IL21R: variants seen among roughly 807,000 people sequenced by gnomAD.
IL21R encodes interleukin 21 receptor.
In IL21R, 14 loss-of-function variants were observed where a neutral mutation model predicts 41.3. The ratio of observed to expected loss-of-function variants is 0.34; its 90% confidence interval spans 0.22 to 0.53. The LOEUF is 0.53. Among genes scored for constraint, IL21R ranks in the 20% least tolerant of loss-of-function variants. The pLI, the probability that IL21R is intolerant of heterozygous loss-of-function variation, is 0.94. For missense variants in IL21R, 588 were observed against 681.6 expected, an observed-to-expected ratio of 0.86 and a Z score of 1.53; for synonymous variants, 286 against 287.6, an observed-to-expected ratio of 0.99 and a Z score of 0.05.
At chr16:27,428,412 G>C (rs1250299597) in intron 1 of IL21R, among the ~76,000 whole-genome samples, 1 of 152,244 alleles carries the variant, frequency 6.6e-6, no homozygotes, top group Non-Finnish European at 1.5e-5. Flanking sequence ...AGAGGAGGAG[G>C]ATCTTCCCCT....
intron 2 of IL21R, among the ~76,000 whole-genome samples, chr16:27,432,244 C>T (rs2087187049): frequency 6.6e-6 from 1 of 152,226 alleles, no homozygotes; most frequent in African/African-American, 2.4e-5. Flanking sequence ...AGCATGCAGG[C>T]ACAGGCATGA....
Position 27,448,431 on chromosome 16 carries a change from G to C in IL21R, c.868-103G>C, listed in dbSNP as rs3093384. 4.6e-5 allele frequency: 57 copies of C among 1,248,110 alleles called. No homozygotes were observed. In the Middle Eastern group the frequency reaches 9.7e-4, roughly 21 times the overall value. The allele number at this position is 1,248,110 out of a possible 1,614,324, so 77.3% of individuals were successfully genotyped here. On this transcript the variant is annotated intron_variant, in intron 8 of 8. Coordinates refer to ENST00000337929, the MANE Select transcript of IL21R (RefSeq NM_181078.3). Reference sequence around the variant, plus strand: ...GATGGCACCACTGCATTCCAGCCTGGGCAGCAGAGCCAGACTGTCTCAAAA... The same window carrying C: ...GATGGCACCACTGCATTCCAGCCTGCGCAGCAGAGCCAGACTGTCTCAAAA...
chr16:27,409,591 C>A (rs2086797016), intron 1 of IL21R, among the ~76,000 whole-genome samples: 1 of 135,300 alleles, frequency 7.4e-6, no homozygotes, highest in Non-Finnish European at 1.5e-5. Flanking sequence ...TATGAATATT[C>A]AATTAATATA....
At chr16:27,430,031 A>T in intron 1 of IL21R, 25 bp from the exon 2 acceptor site, 1 of 1,601,124 alleles carries the variant, frequency 6.2e-7, no homozygotes, top group Non-Finnish European at 8.5e-7. Flanking sequence ...CGCCTGGCTC[A>T]CCCTCCACTG....
At chr16:27,428,151 TG>T (rs2087108404) in intron 1 of IL21R, among the ~76,000 whole-genome samples, 1 of 152,120 alleles carries the variant, frequency 6.6e-6, no homozygotes, top group Admixed American at 6.5e-5. Context: ...GTTTATGTGA[TG>T]GGGGCCATCT....
intron 2 of IL21R, among the ~76,000 whole-genome samples, chr16:27,433,195 G>A (rs747296970): frequency 6.6e-6 from 1 of 152,186 alleles, no homozygotes; most frequent in Non-Finnish European, 1.5e-5. Context: ...GGTCAGGCAC[G>A]ATGGCTCATT....
chr16:27,438,747 G>A lies in IL21R; in HGVS notation c.352+1060G>A, dbSNP rs117880869. ...TTGCCGGGCGTGGTGGCACACGCCC[G>A]TAATCCCGGCTACTCGGGAGGCTGA... On this transcript the variant is annotated intron_variant, in intron 4 of 8. Coordinates refer to ENST00000337929, the MANE Select transcript of IL21R (RefSeq NM_181078.3). 4.0e-4 allele frequency among the ~76,000 whole-genome samples: 61 copies of A among 152,256 alleles called. No homozygotes were observed. In the East Asian group the frequency reaches 0.011, roughly 27 times the overall value.
In IL21R at chr16:27,409,153, TTC is replaced by T. The variant is rs1187886163; in HGVS notation, c.-17+6546_-17+6547del. Among the ~76,000 whole-genome samples, 6 of 142,298 alleles carry T rather than the reference TTC, an allele frequency of 4.2e-5. No homozygotes were observed. In the East Asian group the frequency reaches 7.2e-4, roughly 17 times the overall value. The allele number at this position is 142,298 out of a possible 152,430, so 93.4% of individuals were successfully genotyped here. On this transcript the variant is annotated intron_variant, in intron 1 of 8. Coordinates refer to ENST00000337929, the MANE Select transcript of IL21R (RefSeq NM_181078.3). ...TTTCAGCACTTGGAATTGTGTTTAT[TTC>T]TCTCTCTCTCCATATATATATTTAT...
intron 8 of IL21R, 88 bp downstream of exon 8, chr16:27,446,176 C>T (rs1319793329): frequency 1.9e-6 from 2 of 1,065,602 alleles, no homozygotes; most frequent in Non-Finnish European, 2.8e-6. Flanking sequence ...TCCCCAGCCT[C>T]ACCCCACAGG....
chr16:27,418,909 T>A (rs868863172), intron 1 of IL21R, among the ~76,000 whole-genome samples: 1,214 of 13,240 alleles, frequency 0.092, 11 homozygotes, highest in African/African-American at 0.19. Context: ...TTAAAAAAAT[T>A]TTTTTTTGTT....
chr16:27,442,166 T>C (rs1397428767), intron 4 of IL21R, among the ~76,000 whole-genome samples: 1 of 152,180 alleles, frequency 6.6e-6, no homozygotes, highest in East Asian at 1.9e-4. Flanking sequence ...GTGCATGCTG[T>C]GCGTGTGCAT....
At chr16:27,441,312 G>A (rs1009327791) in intron 4 of IL21R, among the ~76,000 whole-genome samples, 27 of 152,198 alleles carry the variant, frequency 1.8e-4, no homozygotes, top group African/African-American at 6.3e-4. Flanking sequence ...GGAATTTAAG[G>A]CCCTTAACAT....
Position 27,434,343 on chromosome 16 carries a change from C to T in IL21R, c.50-4C>T. The T allele has an allele frequency of 6.2e-7, 1 of 1,608,312 alleles. No individual in the cohort carries two copies. Among genetic ancestry groups the T allele is most frequent in the Non-Finnish European group, 8.5e-7 (1 of 1,175,258 alleles). On this transcript the variant is annotated splice_region_variant and splice_polypyrimidine_tract_variant and intron_variant, in intron 2 of 8. Transcript: ENST00000337929. ...CAAGGCCTCTCTCCCCACTGACCCTCCAGGCTGGGGCTGCCCCGACCTCGT... is the reference window on the plus strand; with the variant it reads ...CAAGGCCTCTCTCCCCACTGACCCTTCAGGCTGGGGCTGCCCCGACCTCGT...
intron 1 of IL21R, among the ~76,000 whole-genome samples, chr16:27,410,495 A>C (rs2086808434): frequency 6.6e-6 from 1 of 152,210 alleles, no homozygotes; most frequent in African/African-American, 2.4e-5. Flanking sequence ...AACACTTTTT[A>C]AAGCTAAAGT....
intron 2 of IL21R, among the ~76,000 whole-genome samples, chr16:27,430,499 A>C (rs1355771898): frequency 6.6e-6 from 1 of 152,090 alleles, no homozygotes; most frequent in Non-Finnish European, 1.5e-5. Context: ...TCCTTATGTA[A>C]TGACTCTCCT....
At chr16:27,448,193 G>T in intron 8 of IL21R, 1 of 235,398 alleles carries the variant, frequency 4.2e-6, no homozygotes, top group Non-Finnish European at 8.3e-6. Flanking sequence ...AGTGACTCAC[G>T]CCTGTAATCC....
intron 2 of IL21R, among the ~76,000 whole-genome samples, chr16:27,431,969 A>AC (rs140510917): frequency 0.015 from 2,237 of 151,742 alleles, 50 homozygotes; most frequent in African/African-American, 0.049. Flanking sequence ...TGAACGCTGC[A>AC]CCACCCCCAG....
intron 7 of IL21R, 39 bp downstream of exon 7, chr16:27,445,315 C>T: frequency 7.5e-7 from 1 of 1,332,222 alleles, no homozygotes; most frequent in Admixed American, 1.7e-5. Flanking sequence ...AGGTGGTCAG[C>T]CTGGGCCACT....
At chr16:27,435,928 A>C (rs2087261952) in intron 3 of IL21R, among the ~76,000 whole-genome samples, 1 of 152,110 alleles carries the variant, frequency 6.6e-6, no homozygotes, top group Non-Finnish European at 1.5e-5. Flanking sequence ...GTGCACCACC[A>C]TGCCTGGCTA....
Sources: gnomAD v4.1 joint callset for allele counts (sites outside exome capture counted in the v4.1 genomes callset) on GRCh38, gnomAD v4.1.1 for gene constraint, MANE v1.5 for transcripts, NCBI Gene and HGNC (gene_info 2026-07-23, HGNC 2026-07-21) for gene names.